The following IPO8 variants were observed in gnomAD, a reference collection of about 807,000 sequenced individuals.
IPO8 encodes importin 8, also known as importin-8.
In IPO8, 65 loss-of-function variants were observed where a neutral mutation model predicts 141.2. The ratio of observed to expected loss-of-function variants is 0.46; its 90% CI spans 0.38 to 0.57. The LOEUF is 0.57. IPO8 is among the 20% of genes least tolerant of loss of function. IPO8 has a pLI of 0.00. For synonymous variants in IPO8, 411 were observed against 420.3 expected, an observed-to-expected ratio of 0.98 and a Z score of 0.27; for missense variants, 980 against 1,246.8, an observed-to-expected ratio of 0.79 and a Z score of 3.22.
At chr12:30,633,707 T>A (rs1433511088) in intron 23 of IPO8, among the ~76,000 whole-genome samples, 3 of 152,214 alleles carry the variant, frequency 2.0e-5, no homozygotes. Flanking sequence ...GAATAACTAG[T>A]AGGTTGTTAG....
intron 2 of IPO8, among the ~76,000 whole-genome samples, chr12:30,685,016 C>T (rs2053225945): frequency 6.6e-6 from 1 of 152,164 alleles, no homozygotes; most frequent in Admixed American, 6.5e-5. Context: ...TCACATCTAT[C>T]AAAATACATA....
chr12:30,629,891 G>A lies in IPO8; in HGVS notation c.*969C>T, dbSNP rs1316568170. ...ATATTATAAAATGCTTTGGACCCTA[G>A]TCCAACATAGCTGGAATGATAAGTT... On this transcript the variant is annotated 3_prime_UTR_variant, in exon 25 of 25. Coordinates refer to ENST00000256079, the MANE Select transcript of IPO8 (RefSeq NM_006390.4). The A allele has an allele frequency of 1.5e-4, 23 of 152,054 alleles. No individual in the cohort carries two copies. The highest frequency in any genetic ancestry group is 1.5e-3 in the Admixed American group (23 of 15,274). 9.4% of individuals were successfully genotyped at this position (152,054 alleles called of 1,614,324 possible). A position where few individuals can be genotyped will look rare whatever the true frequency, so the allele number is the denominator to read the frequency against.
At chr12:30,688,348 A>C in intron 2 of IPO8, 1 of 393,524 alleles carries the variant, frequency 2.5e-6, no homozygotes, top group Non-Finnish European at 4.9e-6. Flanking sequence ...TAAGGTAAGA[A>C]AGGACATTCA....
Position 30,671,045 on chromosome 12 carries a change from G to C in IPO8, c.961C>G (p.Arg321Gly), listed in dbSNP as rs759724163. 6.2e-7 allele frequency: 1 copy of C among 1,608,994 alleles called. No homozygotes were observed. Among genetic ancestry groups the C allele is most frequent in the African/African-American group, 1.3e-5 (1 of 74,742 alleles). Residue 321 changes from arginine (R) to glycine (G), a missense_variant, in exon 9 of 25, where the codon CGT becomes GGT. Arg to Gly is a moderately radical substitution (Grantham distance 125, BLOSUM62 -2). Coordinates refer to ENST00000256079, the MANE Select transcript of IPO8 (RefSeq NM_006390.4). ...QYRQKEYVAP[R>G]VLQQAFNYLN... The stretch of plus-strand genomic sequence containing the variant: ...TAGTTGAATGCTTGCTGAAGAACAC[G>C]GGGAGCTACATATTCTTTCTGTCTA...
intron 10 of IPO8, 142 bp downstream of exon 10, chr12:30,669,041 A>T: frequency 2.0e-6 from 1 of 500,622 alleles, no homozygotes; most frequent in Non-Finnish European, 3.5e-6. Context: ...AATAACATCA[A>T]ACTCTCAAAG....
intron 15 of IPO8, 105 bp from the exon 16 acceptor site, chr12:30,661,371 C>T: frequency 9.6e-7 from 1 of 1,042,958 alleles, no homozygotes; most frequent in Non-Finnish European, 1.3e-6. Context: ...GTCTGCATTG[C>T]TCAAACTTTG....
Position 30,669,300 on chromosome 12 carries a change from A to G in IPO8, c.1045-18T>C, listed in dbSNP as rs772761241. On this transcript the variant is annotated intron_variant, in intron 9 of 24. Coordinates refer to ENST00000256079, the MANE Select transcript of IPO8 (RefSeq NM_006390.4). ...GAGATATTCTAAAATGAGAAAAAAAAAAAAACGTAACAAATGGGTATAGGC... is the reference window on the plus strand; with the variant it reads ...GAGATATTCTAAAATGAGAAAAAAAGAAAAACGTAACAAATGGGTATAGGC... The G allele has an allele frequency of 7.7e-5, 99 of 1,286,462 alleles. 1 individual carries two copies. Among genetic ancestry groups the G allele is most frequent in the Non-Finnish European group, 1.0e-4 (93 of 910,476 alleles). The allele number at this position is 1,286,462 out of a possible 1,614,324, so 79.7% of individuals were successfully genotyped here. A position where few individuals can be genotyped will look rare whatever the true frequency, so the allele number is the denominator to read the frequency against.
At chr12:30,689,746 T>G (rs1387647945) in intron 2 of IPO8, among the ~76,000 whole-genome samples, 15 of 152,222 alleles carry the variant, frequency 9.9e-5, no homozygotes, top group Admixed American at 9.8e-4. Flanking sequence ...CATTTCTGAG[T>G]GATGAATGTT....
intron 19 of IPO8, among the ~76,000 whole-genome samples, chr12:30,651,579 G>C (rs947475008): frequency 6.6e-6 from 1 of 152,006 alleles, no homozygotes; most frequent in African/African-American, 2.4e-5. Context: ...GTGTGTGTGT[G>C]TATGTATATA....
intron 6 of IPO8, among the ~76,000 whole-genome samples, chr12:30,676,258 G>A (rs2053119509): frequency 6.6e-6 from 1 of 151,994 alleles, no homozygotes; most frequent in African/African-American, 2.4e-5. Context: ...TAAATATGTT[G>A]TATATAGATG....
intron 19 of IPO8, among the ~76,000 whole-genome samples, chr12:30,649,483 C>T (rs1439004869): frequency 1.3e-5 from 2 of 152,118 alleles, no homozygotes; most frequent in African/African-American, 4.8e-5. Flanking sequence ...TAATTTTCCA[C>T]ATAAATGAAG....
chr12:30,643,801 G>A (rs2052605151), intron 20 of IPO8, among the ~76,000 whole-genome samples: 1 of 152,234 alleles, frequency 6.6e-6, no homozygotes, highest in Non-Finnish European at 1.5e-5. Context: ...ACAGGCCATA[G>A]CTTGCCAGCT....
At chr12:30,669,639 T>G (rs999773362) in intron 9 of IPO8, among the ~76,000 whole-genome samples, 9 of 151,592 alleles carry the variant, frequency 5.9e-5, no homozygotes, top group Admixed American at 2.0e-4. Flanking sequence ...AAAAAATACA[T>G]AAAAACGTAG....
chr12:30,639,708 A>C lies in IPO8; in HGVS notation c.2296T>G (p.Leu766Val). The change falls in exon 21 of 25, where the codon TTG becomes GTG. Residue 766 changes from leucine to valine, a missense_variant. Leu to Val is a conservative substitution (Grantham distance 32). Transcript: ENST00000256079. ...TTGACCCCTCGAGTTAATCTCTCCA[A>C]AACAAGTTGAACGAAGAGTGGAATG... The part of the protein sequence containing the change: ...QCIPLFVQLV[L>V]ERLTRGVKTS... 2 of 1,614,124 alleles carry C rather than the reference A, an allele frequency of 1.2e-6. No individual in the cohort carries two copies. The highest frequency in any genetic ancestry group is 1.7e-6 in the Non-Finnish European group (2 of 1,179,994).
intron 21 of IPO8, among the ~76,000 whole-genome samples, chr12:30,638,186 A>C (rs1253303073): frequency 1.3e-5 from 2 of 152,234 alleles, no homozygotes; most frequent in Non-Finnish European, 2.9e-5. Flanking sequence ...GACTGCTTCC[A>C]GTGCTAATAA....
chr12:30,685,230 C>G (rs529993155), intron 2 of IPO8, among the ~76,000 whole-genome samples: 302 of 151,782 alleles, frequency 2.0e-3, no homozygotes, highest in Non-Finnish European at 3.5e-3. Context: ...ACCTCTGTCT[C>G]CCGGGTTCAA....
chr12:30,677,354 T>C (rs2053135769), intron 5 of IPO8: 2 of 343,538 alleles, frequency 5.8e-6, no homozygotes, highest in Non-Finnish European at 1.2e-5. Flanking sequence ...GTGATGCTGG[T>C]GCAAACAAAC....
At position 30,630,201 on chromosome 12, in the gene IPO8, G is replaced by A. The variant is rs1830899885; in HGVS notation, c.*659C>T. On this transcript the variant is annotated 3_prime_UTR_variant, in exon 25 of 25. Transcript: ENST00000256079. ...AAGGCAGAAAAAAATGAGAGAAGAG[G>A]GAGTAAGACACTTCTTTAAAAAGCC... The A allele has an allele frequency of 6.6e-6, 1 of 151,726 alleles. No individual in the cohort carries two copies. Among genetic ancestry groups the A allele is most frequent in the African/African-American group, 2.4e-5 (1 of 41,278 alleles). The allele number at this position is 151,726 out of a possible 1,614,324, so 9.4% of individuals were successfully genotyped here.
intron 5 of IPO8, among the ~76,000 whole-genome samples, chr12:30,677,819 T>G (rs1210803814): frequency 6.6e-6 from 1 of 152,182 alleles, no homozygotes; most frequent in Non-Finnish European, 1.5e-5. Flanking sequence ...TAAGTGTTAG[T>G]ACAACAGAGT....
Sources: gnomAD v4.1 joint callset for allele counts (sites outside exome capture counted in the v4.1 genomes callset) on GRCh38, gnomAD v4.1.1 for gene constraint, MANE v1.5 for transcripts, NCBI Gene and HGNC (gene_info 2026-07-23, HGNC 2026-07-21) for gene names.